LRP5: variants seen among roughly 807,000 people sequenced by gnomAD.
LRP5 encodes the protein LDL receptor related protein 5.
LRP5 carries 62 observed loss-of-function variants against 154.1 expected under a neutral mutation model. That is an observed-to-expected ratio of 0.40 (90% CI 0.33 to 0.50). The LOEUF (loss-of-function observed/expected upper bound fraction) is 0.50. Among genes scored for constraint, LRP5 ranks in the 20% least tolerant of loss-of-function variants. LRP5 has a pLI of 0.55. For synonymous variants in LRP5, 966 were observed against 1,011.5 expected, an observed-to-expected ratio of 0.96 and a Z score of 0.85; for missense variants, 1,915 against 2,336.7, an observed-to-expected ratio of 0.82 and a Z score of 3.72.
rs1381436261 is a variant in LRP5, at chr11:68,413,229, C to A, written c.2504-460C>A. ...GAGGACAGACTCAGATGAAAACCAG[C>A]AAAAGCCCTGGAAACTCATGTGACC... On this transcript the variant is annotated intron_variant, in intron 11 of 22. Coordinates refer to ENST00000294304, the MANE Select transcript of LRP5 (RefSeq NM_002335.4). The surrounding 1 kb of genome is among the most constrained non-coding windows in gnomAD (Gnocchi z 5.1). 3 of 271,840 alleles carry A rather than the reference C, an allele frequency of 1.1e-5. No homozygotes were observed. The highest frequency in any genetic ancestry group is 7.4e-5 in the South Asian group (1 of 13,496). The allele number at this position is 271,840 out of a possible 1,614,324, so 16.8% of individuals were successfully genotyped here. A position where few individuals can be genotyped will look rare whatever the true frequency, so the allele number is the denominator to read the frequency against.
chr11:68,320,345 AT>A (rs2098596043), intron 1 of LRP5, among the ~76,000 whole-genome samples: 1 of 151,748 alleles, frequency 6.6e-6, no homozygotes, highest in Admixed American at 6.6e-5. Flanking sequence ...ACACCTTTTG[AT>A]TTGCACAACC....
At chr11:68,387,123 T>C (rs1251463002) in intron 6 of LRP5, among the ~76,000 whole-genome samples, 2 of 151,808 alleles carry the variant, frequency 1.3e-5, no homozygotes, top group Non-Finnish European at 2.9e-5. Context: ...TTTTTTCTTT[T>C]TTTTTTTTTG....
intron 5 of LRP5, among the ~76,000 whole-genome samples, chr11:68,374,320 T>C (rs1346203944): frequency 1.3e-5 from 2 of 152,086 alleles, no homozygotes; most frequent in East Asian, 1.9e-4. Context: ...TTGTCACTTA[T>C]CAGGGAAGTA....
At chr11:68,362,890 GC>G (rs916576745) in intron 3 of LRP5, among the ~76,000 whole-genome samples, 1 of 150,056 alleles carries the variant, frequency 6.7e-6, no homozygotes, top group African/African-American at 2.5e-5. Context: ...GGGACCCTCT[GC>G]CCCCAGGCCC....
In LRP5 at chr11:68,411,525, T is replaced by C. The variant is rs987928171; in HGVS notation, c.2408T>C (p.Val803Ala). 8.1e-6 allele frequency: 13 copies of C among 1,613,634 alleles called. No individual in the cohort carries two copies. The highest frequency in any genetic ancestry group is 1.1e-5 in the Non-Finnish European group (13 of 1,179,998). ...AACTGCATGACGCTGGTGGACAAGG[T>C]GGGCCGGGCCAACGACCTCACCATT... ...GTNCMTLVDKVGRANDLTIDY... is the reference protein window; with the variant it reads ...GTNCMTLVDKAGRANDLTIDY... The change falls in exon 11 of 23, where the codon GTG (valine) becomes GCG (alanine). Residue 803 changes from valine to alanine, a missense_variant. Val to Ala is a moderately conservative substitution (Grantham distance 64). This residue lies in a region of LRP5 where 1,094 missense variants were observed against 1,210.1 expected (regional missense o/e 0.90). Coordinates refer to ENST00000294304, the MANE Select transcript of LRP5 (RefSeq NM_002335.4).
chr11:68,369,232 C>T (rs1375279989), intron 5 of LRP5, among the ~76,000 whole-genome samples: 1 of 152,160 alleles, frequency 6.6e-6, no homozygotes, highest in Non-Finnish European at 1.5e-5. Context: ...ATTTCTGAGT[C>T]TTGCTGCTGT....
intron 2 of LRP5, among the ~76,000 whole-genome samples, chr11:68,352,022 A>G (rs2098619079): frequency 1.3e-5 from 2 of 151,966 alleles, no homozygotes; most frequent in Non-Finnish European, 1.5e-5. Flanking sequence ...TGAGGAGAGG[A>G]CACATGAGGT....
At chr11:68,379,864 G>A (rs553088838) in intron 5 of LRP5, among the ~76,000 whole-genome samples, 10 of 152,262 alleles carry the variant, frequency 6.6e-5, no homozygotes, top group Admixed American at 6.5e-4. Context: ...GGGCGTGGTG[G>A]CTCACGCCTG....
upstream of LRP5, among the ~76,000 whole-genome samples, chr11:68,311,157 T>G (rs1335751667): frequency 6.6e-6 from 1 of 152,186 alleles, no homozygotes; most frequent in African/African-American, 2.4e-5. Flanking sequence ...CTGGTAGAGC[T>G]GGATGCAGGG....
intron 3 of LRP5, among the ~76,000 whole-genome samples, chr11:68,361,043 C>T (rs1354378704): frequency 3.0e-5 from 4 of 135,462 alleles, no homozygotes; most frequent in Admixed American, 8.1e-5. Context: ...CGGTGGCTCA[C>T]GCCTGTAATC....
chr11:68,348,338 A>C, intron 2 of LRP5, 95 bp downstream of exon 2: 1 of 1,526,198 alleles, frequency 6.6e-7, no homozygotes, highest in Non-Finnish European at 8.9e-7. Flanking sequence ...TTTTCAGAAA[A>C]AGGGTGTGAC....
At chr11:68,397,144 T>C (rs1282443044) in intron 7 of LRP5, among the ~76,000 whole-genome samples, 1 of 152,054 alleles carries the variant, frequency 6.6e-6, no homozygotes, top group African/African-American at 2.4e-5. Context: ...GCATGTCCCC[T>C]CAGGACCAAG....
intron 22 of LRP5, 98 bp from the exon 23 acceptor site, chr11:68,448,711 A>G: frequency 2.1e-6 from 3 of 1,453,048 alleles, no homozygotes; most frequent in Non-Finnish European, 1.9e-6. Context: ...GGAGCTGGCC[A>G]GTGGACAGGC....
At chr11:68,387,921 G>A (rs1419078982) in intron 6 of LRP5, among the ~76,000 whole-genome samples, 2 of 152,232 alleles carry the variant, frequency 1.3e-5, no homozygotes, top group Admixed American at 1.3e-4. Flanking sequence ...GCGGGCAGAG[G>A]ATTTGTGGGC....
chr11:68,320,592 G>A (rs12419658), intron 1 of LRP5, among the ~76,000 whole-genome samples: 4,753 of 151,912 alleles, frequency 0.031, 94 homozygotes, highest in East Asian at 0.075. Context: ...CTCCCAAGTA[G>A]CTGGGACTAC....
At chr11:68,314,616 G>A (rs1324927950) in intron 1 of LRP5, among the ~76,000 whole-genome samples, 1 of 152,186 alleles carries the variant, frequency 6.6e-6, no homozygotes, top group Non-Finnish European at 1.5e-5. Context: ...TTGTTCTAGT[G>A]GTCCCAGTGC....
chr11:68,365,444 A>G lies in LRP5; in HGVS notation c.884-127A>G, dbSNP rs1484813674. 3.6e-6 allele frequency: 5 copies of G among 1,405,054 alleles called. No homozygotes were observed. In the Admixed American group the frequency reaches 6.8e-5, roughly 19 times the overall value. 87.0% of individuals were successfully genotyped at this position (1,405,054 alleles called of 1,614,324 possible). A position where few individuals can be genotyped will look rare whatever the true frequency, so the allele number is the denominator to read the frequency against. On this transcript the variant is annotated intron_variant, in intron 4 of 22. Coordinates refer to ENST00000294304, the MANE Select transcript of LRP5 (RefSeq NM_002335.4). ...GCGGGGAGGTCCCTGATGCCACTTG[A>G]GGCCGATGTTTGGGCAGAGGGACAC...
At chr11:68,346,707 G>A (rs1215522950) in intron 1 of LRP5, among the ~76,000 whole-genome samples, 1 of 152,216 alleles carries the variant, frequency 6.6e-6, no homozygotes, top group Non-Finnish European at 1.5e-5. Flanking sequence ...TTCAAGCCAA[G>A]GCTTCAGATG....
At chr11:68,306,793 C>T in the LRP5 span, among the ~76,000 whole-genome samples, 1 of 152,188 alleles carries the variant, frequency 6.6e-6, no homozygotes, top group Non-Finnish European at 1.5e-5. Flanking sequence ...GGCATTCTTT[C>T]CCAGGAGGCA....
Sources: allele counts gnomAD v4.1 joint callset (sites outside exome capture counted in the v4.1 genomes callset), GRCh38; gene constraint gnomAD v4.1.1; regional missense constraint gnomAD v4.1.1; non-coding constraint Gnocchi (gnomAD v3.1); transcripts MANE v1.5; gene names NCBI Gene and HGNC (gene_info 2026-07-23, HGNC 2026-07-21).